ARHGEF28: variants seen among roughly 807,000 people sequenced by gnomAD.
The protein encoded by ARHGEF28 is 190 kDa guanine nucleotide exchange factor.
A neutral mutation model predicts 206.6 loss-of-function variants in ARHGEF28; 152 were observed. The observed-to-expected ratio is 0.74, with a 90% CI of 0.64 to 0.84. The LOEUF is 0.84. ARHGEF28 is among the 40% of genes least tolerant of loss of function. The pLI, the probability that ARHGEF28 is intolerant of heterozygous loss-of-function variation, is 0.00. For missense variants in ARHGEF28, 2,028 were observed against 2,073.2 expected (o/e 0.98, Z 0.42); for synonymous variants, 763 against 776.4 (o/e 0.98, Z 0.29).
chr5:73,665,058 A>T (rs1168723161), intron 1 of ARHGEF28, among the ~76,000 whole-genome samples: 1 of 151,990 alleles, frequency 6.6e-6, no homozygotes, highest in East Asian at 1.9e-4. Flanking sequence ...CCTCTGTATG[A>T]CATTGCTTTC....
intron 35 of ARHGEF28, among the ~76,000 whole-genome samples, chr5:73,917,872 A>G (rs1763300513): frequency 6.6e-6 from 1 of 152,186 alleles, no homozygotes. Flanking sequence ...CCTCTCTAGT[A>G]TGATGTGGCT....
intron 9 of ARHGEF28, among the ~76,000 whole-genome samples, chr5:73,821,122 A>G (rs1756560107): frequency 6.6e-6 from 1 of 151,766 alleles, no homozygotes; most frequent in African/African-American, 2.4e-5. Context: ...ATTCATCCCT[A>G]CCTACCCGGT....
At chr5:73,761,666 C>T (rs1336350026) in intron 4 of ARHGEF28, among the ~76,000 whole-genome samples, 1 of 152,112 alleles carries the variant, frequency 6.6e-6, no homozygotes, top group Non-Finnish European at 1.5e-5. Context: ...CCCCATATAC[C>T]TACTGTCCTT....
In ARHGEF28 at chr5:73,909,840, C is replaced by CT. The variant is rs753268378; in HGVS notation, c.4591dup (p.Trp1531LeufsTer24). The CT allele has an allele frequency of 6.5e-7, 1 of 1,541,112 alleles. No individual in the cohort carries two copies. Among genetic ancestry groups the CT allele is most frequent in the Non-Finnish European group, 8.7e-7 (1 of 1,155,976 alleles). On this transcript the variant is annotated frameshift_variant, in exon 34 of 36. Coordinates refer to ENST00000513042, the MANE Select transcript of ARHGEF28 (RefSeq NM_001177693.2). LOFTEE classifies it high-confidence loss of function. The stretch of plus-strand genomic sequence containing the variant: ...GGGCCCAGCAGAGCCTGCTGGGCCA[C>CT]TGGAAGCACGGCCGGCAGAGGAGCC...
At chr5:73,851,333 T>C (rs1035070463) in intron 13 of ARHGEF28, among the ~76,000 whole-genome samples, 13 of 152,128 alleles carry the variant, frequency 8.5e-5, no homozygotes, top group African/African-American at 3.1e-4. Flanking sequence ...TTTCGGTCCT[T>C]TTTATTATTA....
chr5:73,666,668 T>C (rs1166848887), intron 1 of ARHGEF28, among the ~76,000 whole-genome samples: 1 of 152,180 alleles, frequency 6.6e-6, no homozygotes, highest in East Asian at 1.9e-4. Flanking sequence ...AAGAACTTTA[T>C]TTCTCATAAA....
chr5:73,738,482 C>T (rs1383110463), intron 2 of ARHGEF28, among the ~76,000 whole-genome samples: 2 of 145,584 alleles, frequency 1.4e-5, no homozygotes, highest in African/African-American at 2.6e-5. Context: ...AGAGTGGCCT[C>T]GTGTGTGTGT....
intron 9 of ARHGEF28, among the ~76,000 whole-genome samples, chr5:73,818,968 C>T (rs912830017): frequency 1.3e-5 from 2 of 151,836 alleles, no homozygotes; most frequent in Non-Finnish European, 2.9e-5. Context: ...TGATTAAGTC[C>T]CATAGGAGAG....
intron 14 of ARHGEF28, among the ~76,000 whole-genome samples, chr5:73,854,867 CAAA>C (rs1004328348): frequency 2.2e-4 from 32 of 148,226 alleles, no homozygotes; most frequent in African/African-American, 7.8e-4. Flanking sequence ...ACAACAACAA[CAAA>C]AAAACACTTT....
In ARHGEF28 at chr5:73,795,238, C is replaced by T. The variant is rs530696874; in HGVS notation, c.964-93C>T. 2.6e-4 allele frequency: 289 copies of T among 1,129,976 alleles called. 2 individuals are homozygous for T. In the East Asian group the frequency reaches 5.9e-3, roughly 23 times the overall value. The allele number at this position is 1,129,976 out of a possible 1,614,324, so 70.0% of individuals were successfully genotyped here. A position where few individuals can be genotyped will look rare whatever the true frequency, so the allele number is the denominator to read the frequency against. On this transcript the variant is annotated intron_variant, in intron 8 of 35. Transcript: ENST00000513042. The stretch of plus-strand genomic sequence containing the variant: ...TACTTGTAACATGTTTTCATTGATG[C>T]TTTCCAAGGTTGTTTTTCTAGTTCA...
At chr5:73,790,537 T>C (rs796148993) in intron 7 of ARHGEF28, among the ~76,000 whole-genome samples, 47 of 152,272 alleles carry the variant, frequency 3.1e-4, no homozygotes, top group African/African-American at 1.0e-3. Context: ...GTGGAGCTTG[T>C]TGAATTGAGT....
intron 9 of ARHGEF28, among the ~76,000 whole-genome samples, chr5:73,820,966 C>T (rs185089995): frequency 1.3e-5 from 2 of 152,156 alleles, no homozygotes; most frequent in Admixed American, 1.3e-4. Flanking sequence ...CAGGAAAAAC[C>T]CACCGACCCT....
intron 27 of ARHGEF28, 51 bp downstream of exon 27, chr5:73,892,281 GA>G: frequency 1.3e-6 from 2 of 1,515,964 alleles, no homozygotes; most frequent in Non-Finnish European, 1.8e-6. Context: ...TTCAACTGGG[GA>G]AAATATTCTA....
chr5:73,939,183 A>C (rs1185979490), intron 35 of ARHGEF28, among the ~76,000 whole-genome samples: 1 of 152,122 alleles, frequency 6.6e-6, no homozygotes, highest in East Asian at 1.9e-4. Context: ...GTGGGTCAGA[A>C]TTTCACTAGC....
At chr5:73,940,299 C>T (rs1335816532) in intron 35 of ARHGEF28, among the ~76,000 whole-genome samples, 2 of 152,214 alleles carry the variant, frequency 1.3e-5, no homozygotes, top group African/African-American at 4.8e-5. Context: ...CCTGGCTGCT[C>T]TTGCTGAGTA....
intron 9 of ARHGEF28, among the ~76,000 whole-genome samples, chr5:73,800,530 G>A (rs1755067914): frequency 6.6e-6 from 1 of 151,986 alleles, no homozygotes; most frequent in African/African-American, 2.4e-5. Flanking sequence ...TGTAAGATGA[G>A]GAAAAGACAA....
At chr5:73,895,407 A>T (rs1580063234) in intron 29 of ARHGEF28, among the ~76,000 whole-genome samples, 2 of 152,232 alleles carry the variant, frequency 1.3e-5, no homozygotes, top group East Asian at 3.9e-4. Context: ...CTGTGTGCTA[A>T]CTCATTCAGG....
intron 1 of ARHGEF28, among the ~76,000 whole-genome samples, chr5:73,679,464 G>A (rs1030068344): frequency 2.6e-5 from 4 of 151,900 alleles, no homozygotes; most frequent in Admixed American, 6.6e-5. Context: ...CCATTTGGGA[G>A]GCTGAGGCAG....
rs188703114 is a variant in ARHGEF28, at chr5:73,768,070, T to G, written c.476-5785T>G. Among the ~76,000 whole-genome samples the G allele has an allele frequency of 5.2e-3, 788 of 152,236 alleles. 12 individuals carry two copies. The highest frequency in any genetic ancestry group is 0.018 in the African/African-American group (754 of 41,516). On this transcript the variant is annotated intron_variant, in intron 4 of 35. Coordinates refer to ENST00000513042, the MANE Select transcript of ARHGEF28 (RefSeq NM_001177693.2). ...TGTTGAACCTGCAAGTGCACAGAAG[T>G]CAAGAATTGAGGTTTGGGAACCTAG... is the stretch of plus-strand genomic sequence containing the variant.
Sources: allele counts gnomAD v4.1 joint callset (sites outside exome capture counted in the v4.1 genomes callset), GRCh38; gene constraint gnomAD v4.1.1; transcripts MANE v1.5; gene names NCBI Gene and HGNC (gene_info 2026-07-23, HGNC 2026-07-21).